TMEM170B: variants seen among roughly 807,000 people sequenced by gnomAD.
TMEM170B encodes the protein transmembrane protein 170B.
In TMEM170B, 6 loss-of-function variants were observed where a neutral mutation model predicts 13.0. The observed-to-expected ratio is 0.46, with a 90% CI of 0.25 to 0.91. The LOEUF is 0.91. Ranked by LOEUF, TMEM170B falls within the 40% of genes least tolerant of loss-of-function variation. The pLI is 0.17. For synonymous variants in TMEM170B, 61 were observed against 64.9 expected (o/e 0.94, Z 0.29); for missense variants, 138 against 165.2 (o/e 0.84, Z 0.90).
At chr6:11,539,294 A>C (rs536896853) in intron 1 of TMEM170B, among the ~76,000 whole-genome samples, 1 of 152,338 alleles carries the variant, frequency 6.6e-6, no homozygotes, top group South Asian at 2.1e-4. Context: ...TGCTTTTCAG[A>C]GGAAAAAAAT....
At chr6:11,549,611 C>G (rs1001581476) in intron 1 of TMEM170B, among the ~76,000 whole-genome samples, 1 of 150,768 alleles carries the variant, frequency 6.6e-6, no homozygotes, top group African/African-American at 2.4e-5. Context: ...TGCAGCGAGC[C>G]GAGATGGCGC....
At position 11,582,742 on chromosome 6, in the gene TMEM170B, T is replaced by C. The variant is rs1229516951; in HGVS notation, c.*7181T>C. 1.3e-5 allele frequency: 2 copies of C among 152,282 alleles called. No individual in the cohort carries two copies. The highest frequency in any genetic ancestry group is 1.5e-5 in the Non-Finnish European group (1 of 68,000). 9.4% of individuals were successfully genotyped at this position (152,282 alleles called of 1,614,324 possible). A position where few individuals can be genotyped will look rare whatever the true frequency, so the allele number is the denominator to read the frequency against. On this transcript the variant is annotated 3_prime_UTR_variant, in exon 3 of 3. Transcript: ENST00000379426. The stretch of plus-strand genomic sequence containing the variant: ...TTATTTTTACTATAGAAATACTAAA[T>C]GTACTGTGAAGCTTAAAGACAGGAG...
At chr6:11,540,177 G>T (rs1442839052) in intron 1 of TMEM170B, among the ~76,000 whole-genome samples, 2 of 152,120 alleles carry the variant, frequency 1.3e-5, no homozygotes, top group African/African-American at 4.8e-5. Context: ...TTGGGATGAT[G>T]GCAGTTTTCT....
intron 1 of TMEM170B, among the ~76,000 whole-genome samples, chr6:11,550,155 T>A (rs1215591654): frequency 6.6e-6 from 1 of 150,950 alleles, no homozygotes; most frequent in Middle Eastern, 3.4e-3. Context: ...TTTTTCATAA[T>A]CCTGTCGTGG....
At chr6:11,543,062 C>A (rs72834797) in intron 1 of TMEM170B, among the ~76,000 whole-genome samples, 14,419 of 152,134 alleles carry the variant, frequency 0.095, 786 homozygotes, top group African/African-American at 0.14. Flanking sequence ...ACTTTCTTCA[C>A]GCAAAATTAA....
Position 11,541,389 on chromosome 6 carries a change from T to C in TMEM170B, c.97+3015T>C, listed in dbSNP as rs75489838. 7.2e-5 allele frequency among the ~76,000 whole-genome samples: 11 copies of C among 152,366 alleles called. No homozygotes were observed. The East Asian group carries it at 2.1e-3, about 29-fold the overall frequency. On this transcript the variant is annotated intron_variant, in intron 1 of 2. Transcript: ENST00000379426. ...GCTGCTTCACCTTGCACTTTTATGT[T>C]ATAGAGGTGTCTTTTGTTAAACCTA...
chr6:11,540,026 C>G (rs547572527), intron 1 of TMEM170B, among the ~76,000 whole-genome samples: 1 of 152,132 alleles, frequency 6.6e-6, no homozygotes, highest in African/African-American at 2.4e-5. Context: ...AAAGTACAGA[C>G]GTTAATTTAA....
At chr6:11,539,347 G>T (rs569972322) in intron 1 of TMEM170B, among the ~76,000 whole-genome samples, 2 of 152,134 alleles carry the variant, frequency 1.3e-5, no homozygotes, top group African/African-American at 4.8e-5. Context: ...AATGTGTAAG[G>T]CAGTTAATTT....
intron 1 of TMEM170B, among the ~76,000 whole-genome samples, chr6:11,559,152 C>G (rs183403250): frequency 3.4e-4 from 51 of 151,522 alleles, no homozygotes; most frequent in Admixed American, 1.8e-3. Context: ...ATGATTTTTA[C>G]ATGTCACAAA....
chr6:11,539,307 T>TA (rs1255521727), intron 1 of TMEM170B, among the ~76,000 whole-genome samples: 2 of 152,140 alleles, frequency 1.3e-5, no homozygotes, highest in Non-Finnish European at 2.9e-5. Flanking sequence ...AAAAAAATCT[T>TA]AAAAAAATAC....
At chr6:11,560,370 C>T (rs1166805332) in intron 1 of TMEM170B, among the ~76,000 whole-genome samples, 3 of 148,304 alleles carry the variant, frequency 2.0e-5, no homozygotes, top group African/African-American at 7.5e-5. Flanking sequence ...GATGGGGTTT[C>T]GCCATGTTAG....
rs980782091 is a variant in TMEM170B at position 11,553,644 on chromosome 6, G to A, written c.98-12022G>A. ...TTTTCATATTGATTAAGGGAGAGCT[G>A]ATCTAGAAATTTTATGAGTTAAGAA... is the stretch of plus-strand genomic sequence containing the variant. On this transcript the variant is annotated intron_variant, in intron 1 of 2. Coordinates refer to ENST00000379426, the MANE Select transcript of TMEM170B (RefSeq NM_001100829.3). Among the ~76,000 whole-genome samples the A allele has an allele frequency of 2.6e-5, 4 of 152,226 alleles. No individual in the cohort carries two copies. In the East Asian group the frequency reaches 7.7e-4, roughly 29 times the overall value.
chr6:11,550,505 T>C (rs560484594), intron 1 of TMEM170B, among the ~76,000 whole-genome samples: 3 of 151,764 alleles, frequency 2.0e-5, no homozygotes, highest in South Asian at 4.1e-4. Flanking sequence ...CGCTTTACCC[T>C]GACGGATTGT....
At chr6:11,548,421 AAAC>A (rs1260527223) in intron 1 of TMEM170B, among the ~76,000 whole-genome samples, 1 of 152,194 alleles carries the variant, frequency 6.6e-6, no homozygotes, top group Non-Finnish European at 1.5e-5. Flanking sequence ...AAAAGTCAGG[AAAC>A]AACAGGTGCT....
At chr6:11,541,065 G>A (rs1245429360) in intron 1 of TMEM170B, among the ~76,000 whole-genome samples, 2 of 151,816 alleles carry the variant, frequency 1.3e-5, no homozygotes, top group Non-Finnish European at 2.9e-5. Flanking sequence ...AGGCTTTTTT[G>A]TTTCATTTAT....
chr6:11,549,995 A>G (rs1243730699), intron 1 of TMEM170B, among the ~76,000 whole-genome samples: 2 of 151,996 alleles, frequency 1.3e-5, no homozygotes, highest in African/African-American at 4.8e-5. Flanking sequence ...TTACATGTAC[A>G]TCAATTTTTC....
intron 1 of TMEM170B, among the ~76,000 whole-genome samples, chr6:11,539,444 A>G (rs1759329906): frequency 1.3e-5 from 2 of 152,238 alleles, no homozygotes; most frequent in Non-Finnish European, 2.9e-5. Flanking sequence ...GGGTTCATAT[A>G]TATAACATAT....
chr6:11,562,121 T>C (rs1165125186), intron 1 of TMEM170B, among the ~76,000 whole-genome samples: 1 of 152,136 alleles, frequency 6.6e-6, no homozygotes, highest in East Asian at 1.9e-4. Context: ...AGCCTTTCCT[T>C]GTCTCAGGGT....
chr6:11,555,473 T>C (rs1464300266), intron 1 of TMEM170B, among the ~76,000 whole-genome samples: 1 of 152,202 alleles, frequency 6.6e-6, no homozygotes, highest in Non-Finnish European at 1.5e-5. Context: ...TGATGACTTT[T>C]ATTATTTTTG....
Sources: allele counts gnomAD v4.1 joint callset (sites outside exome capture counted in the v4.1 genomes callset), GRCh38; gene constraint gnomAD v4.1.1; transcripts MANE v1.5; gene names NCBI Gene and HGNC (gene_info 2026-07-23, HGNC 2026-07-21).